Variants in CPNE1 observed in about 807,000 individuals in gnomAD.
The protein encoded by CPNE1 is copine-1.
Under a neutral mutation model 63.2 loss-of-function variants are expected in CPNE1, and 58 were observed. The observed-to-expected ratio is 0.92, with a 90% CI of 0.74 to 1.14. The LOEUF (loss-of-function observed/expected upper bound fraction) is 1.14, where lower values mean the gene tolerates loss of function less well. CPNE1 is among the 50% of genes most tolerant of loss of function. CPNE1 has a pLI of 0.00. For missense variants in CPNE1, 672 were observed against 661.7 expected (o/e 1.02, Z -0.17); for synonymous variants, 237 against 249.0 (o/e 0.95, Z 0.45).
At chr20:35,652,224 C>T (rs938503905) in intron 1 of CPNE1, 1 of 238,440 alleles carries the variant, frequency 4.2e-6, no homozygotes, top group Admixed American at 5.1e-5. Context: ...TAAAACAAAA[C>T]CAATCTAGAC....
chr20:35,631,117 G>A lies in CPNE1; in HGVS notation c.858C>T (p.Phe286=), dbSNP rs778721054. 1 of 1,614,170 alleles carries A rather than the reference G, an allele frequency of 6.2e-7. No homozygotes were observed. The highest frequency in any genetic ancestry group is 1.1e-5 in the South Asian group (1 of 91,072). ...DYVMGGCQIN[F]TVGVDFTGSN... ...TGCCCTTGGTAAAGTAACTTACAGT[G>A]AAGTTGATCTGACAGCCTCCCATCA... is the stretch of plus-strand genomic sequence containing the variant. The change falls in exon 10 of 16, where the codon TTC becomes TTT. Residue 286 remains phenylalanine (F), a synonymous_variant. Transcript: ENST00000397443.
At chr20:35,658,749 A>G (rs1384251049) in intron 1 of CPNE1, among the ~76,000 whole-genome samples, 2 of 151,858 alleles carry the variant, frequency 1.3e-5, no homozygotes, top group Non-Finnish European at 2.9e-5. Context: ...AACAGAGTCT[A>G]GCCTGGGCAA....
Position 35,630,738 on chromosome 20 carries a change from C to T in CPNE1, c.1050+3G>A, listed in dbSNP as rs778439789. The T allele has an allele frequency of 6.2e-7, 1 of 1,613,834 alleles. No individual in the cohort carries two copies. The highest frequency in any genetic ancestry group is 8.5e-7 in the Non-Finnish European group (1 of 1,179,814). On this transcript the variant is annotated splice_donor_region_variant and intron_variant, in intron 12 of 15. Coordinates refer to ENST00000397443, the MANE Select transcript of CPNE1 (RefSeq NM_152925.3). ...AGGAGTGGCAGAAAGAGAGGGAGCT[C>T]ACCTGCCAGTCAGGGGGAACCTGGG...
At chr20:35,664,385 C>T (rs1475736234) in intron 1 of CPNE1, 1 of 152,258 alleles carries the variant, frequency 6.6e-6, no homozygotes, top group Non-Finnish European at 1.5e-5. Flanking sequence ...GTAGTTATAA[C>T]CTCTGCTTCA....
In CPNE1 at chr20:35,626,155, C is replaced by G. The variant is rs145755041; in HGVS notation, c.*86G>C. On this transcript the variant is annotated 3_prime_UTR_variant, in exon 16 of 16. Coordinates refer to ENST00000397443, the MANE Select transcript of CPNE1 (RefSeq NM_152925.3). ...TATCAAAAAATACAAAGTGCTAGCACTGAGGAGAGTGAGAAGGGTTGGGTT... is the reference window on the plus strand; with the variant it reads ...TATCAAAAAATACAAAGTGCTAGCAGTGAGGAGAGTGAGAAGGGTTGGGTT... The G allele has an allele frequency of 8.0e-6, 11 of 1,367,810 alleles. No homozygotes were observed. Among genetic ancestry groups the G allele is most frequent in the Non-Finnish European group, 1.1e-5 (11 of 956,652 alleles). The allele number at this position is 1,367,810 out of a possible 1,614,324, so 84.7% of individuals were successfully genotyped here. A position where few individuals can be genotyped will look rare whatever the true frequency, so the allele number is the denominator to read the frequency against.
chr20:35,648,498 T>C (rs2070873355), intron 1 of CPNE1, among the ~76,000 whole-genome samples: 1 of 152,212 alleles, frequency 6.6e-6, no homozygotes, highest in African/African-American at 2.4e-5. Flanking sequence ...TGTAGGCAGC[T>C]GATTTCACTC....
At chr20:35,657,804 T>C (rs1265921765) in intron 1 of CPNE1, among the ~76,000 whole-genome samples, 1 of 152,166 alleles carries the variant, frequency 6.6e-6, no homozygotes, top group Non-Finnish European at 1.5e-5. Flanking sequence ...CTCACACCTG[T>C]AACCCCAGCA....
At chr20:35,660,100 G>C (rs542735805) in intron 1 of CPNE1, among the ~76,000 whole-genome samples, 1 of 152,308 alleles carries the variant, frequency 6.6e-6, no homozygotes, top group African/African-American at 2.4e-5. Flanking sequence ...CTAAAGAATA[G>C]TGAGATGGTT....
chr20:35,626,234 A>G lies in CPNE1; in HGVS notation c.*7T>C, dbSNP rs1833911463. On this transcript the variant is annotated 3_prime_UTR_variant, in exon 16 of 16. Coordinates refer to ENST00000397443, the MANE Select transcript of CPNE1 (RefSeq NM_152925.3). ...GATTGAGGACTTGCCACAGCCTCCA[A>G]GGGAACCTAGGCCTGGGGGGCCTGT... 6.2e-7 allele frequency: 1 copy of G among 1,614,014 alleles called. No individual in the cohort carries two copies. The highest frequency in any genetic ancestry group is 1.7e-5 in the Admixed American group (1 of 60,006).
chr20:35,655,124 A>C, intron 1 of CPNE1: 80 of 1,614,092 alleles, frequency 5.0e-5, no homozygotes, highest in Non-Finnish European at 6.8e-5. Flanking sequence ...GTTACTTTTG[A>C]CCCTTTAATT....
intron 1 of CPNE1, chr20:35,643,443 T>A (rs2032930803): frequency 6.6e-6 from 1 of 152,180 alleles, no homozygotes; most frequent in African/African-American, 2.4e-5. Context: ...CACAAAGTCT[T>A]CACGTGAGTA....
At chr20:35,630,597 C>G (rs935713957) in intron 12 of CPNE1, 107 bp from the exon 13 acceptor site, 1 of 1,448,690 alleles carries the variant, frequency 6.9e-7, no homozygotes, top group African/African-American at 1.4e-5. Context: ...GAGTCCTGAG[C>G]ACTTGCTGTC....
At chr20:35,639,712 T>G (rs2032695371) in intron 1 of CPNE1, among the ~76,000 whole-genome samples, 1 of 152,146 alleles carries the variant, frequency 6.6e-6, no homozygotes, top group Non-Finnish European at 1.5e-5. Context: ...GCATTAGCAG[T>G]GATTATTTGG....
rs1363747435 is a variant in CPNE1, at chr20:35,653,566, C to G, written c.-1+11194G>C. 10 of 1,614,084 alleles carry G rather than the reference C, an allele frequency of 6.2e-6. No homozygotes were observed. Among genetic ancestry groups the G allele is most frequent in the Non-Finnish European group, 8.5e-6 (10 of 1,180,036 alleles). Reference sequence around the variant, plus strand: ...ATTTTTAAACTGAACCAATGCCTGTCCTAGACCTTGCCCATTGTTATCAAC... The same window carrying G: ...ATTTTTAAACTGAACCAATGCCTGTGCTAGACCTTGCCCATTGTTATCAAC... On this transcript the variant is annotated intron_variant, in intron 1 of 15. Coordinates refer to ENST00000397443, the MANE Select transcript of CPNE1 (RefSeq NM_152925.3).
At chr20:35,648,991 G>T (rs1472055850) in intron 1 of CPNE1, 2 of 152,620 alleles carry the variant, frequency 1.3e-5, no homozygotes, top group Admixed American at 1.3e-4. Flanking sequence ...CAGTATTCAA[G>T]ACTTCATCTT....
At chr20:35,637,805 C>T (rs1334103468) in intron 1 of CPNE1, among the ~76,000 whole-genome samples, 1 of 152,180 alleles carries the variant, frequency 6.6e-6, no homozygotes, top group Non-Finnish European at 1.5e-5. Context: ...AAGACCTTAC[C>T]CTTGCCTAAC....
chr20:35,637,356 C>A (rs2032543313), intron 1 of CPNE1, among the ~76,000 whole-genome samples: 1 of 152,162 alleles, frequency 6.6e-6, no homozygotes, highest in African/African-American at 2.4e-5. Context: ...GACATACCTA[C>A]ATAGAATTTG....
chr20:35,652,961 C>T, intron 1 of CPNE1: 3 of 1,613,818 alleles, frequency 1.9e-6, no homozygotes, highest in Non-Finnish European at 1.7e-6. Flanking sequence ...TTCTGAGGGC[C>T]CCCTCCAAAT....
chr20:35,652,677 G>A (rs754431598), intron 1 of CPNE1: 1 of 1,614,012 alleles, frequency 6.2e-7, no homozygotes. Flanking sequence ...CTGAGCCTGG[G>A]ATTACTTGAT....
Sources: gnomAD v4.1 joint callset for allele counts (sites outside exome capture counted in the v4.1 genomes callset) on GRCh38, gnomAD v4.1.1 for gene constraint, MANE v1.5 for transcripts, NCBI Gene and HGNC (gene_info 2026-07-23, HGNC 2026-07-21) for gene names.